The following NCALD variants were observed in gnomAD, a reference collection of about 807,000 sequenced individuals.
The protein encoded by NCALD is neurocalcin-delta.
NCALD carries 10 observed loss-of-function variants against 18.6 expected under a neutral mutation model. The ratio of observed to expected loss-of-function variants is 0.54; its 90% CI spans 0.33 to 0.91. NCALD has a LOEUF of 0.91. Ranked by LOEUF, NCALD falls within the 40% of genes least tolerant of loss-of-function variation. The pLI is 0.03. For missense variants in NCALD, 184 were observed against 247.6 expected (o/e 0.74, Z 1.72); for synonymous variants, 88 against 87.4 (o/e 1.01, Z -0.04).
At chr8:101,728,340 G>C (rs534048540) in intron 1 of NCALD, among the ~76,000 whole-genome samples, 1 of 152,292 alleles carries the variant, frequency 6.6e-6, no homozygotes, top group South Asian at 2.1e-4. Context: ...CCCAGAGTTA[G>C]ATTTTCCAGG....
chr8:101,907,757 A>G (rs1210493727), intron 3 of NCALD, among the ~76,000 whole-genome samples: 2 of 152,222 alleles, frequency 1.3e-5, no homozygotes, highest in Non-Finnish European at 2.9e-5. Flanking sequence ...ATGCTTCTCC[A>G]GGCAACTTCC....
At chr8:101,831,673 C>T (rs1814193606) in intron 4 of NCALD, among the ~76,000 whole-genome samples, 2 of 152,132 alleles carry the variant, frequency 1.3e-5, no homozygotes, top group Non-Finnish European at 2.9e-5. Context: ...CTGAGAATCA[C>T]CTGCTCAGGG....
At chr8:102,027,447 C>T (rs549960381) in intron 1 of NCALD, among the ~76,000 whole-genome samples, 69 of 152,300 alleles carry the variant, frequency 4.5e-4, no homozygotes, top group African/African-American at 1.6e-3. Context: ...AGTTCCCAAC[C>T]AGTTCCCCAT....
chr8:102,060,031 A>T (rs538443833), intron 1 of NCALD, among the ~76,000 whole-genome samples: 93 of 152,250 alleles, frequency 6.1e-4, no homozygotes, highest in African/African-American at 1.9e-3. Flanking sequence ...CCCAGGCTGG[A>T]GTGCAGTGGT....
chr8:101,715,057 T>C (rs1030624388), intron 2 of NCALD, among the ~76,000 whole-genome samples: 6 of 149,904 alleles, frequency 4.0e-5, no homozygotes, highest in African/African-American at 1.5e-4. Context: ...CTTCAAACTA[T>C]ACTACAAGGC....
intron 1 of NCALD, among the ~76,000 whole-genome samples, chr8:102,111,019 ACT>A (rs749085914): frequency 2.2e-4 from 34 of 152,134 alleles, no homozygotes; most frequent in Non-Finnish European, 3.5e-4. Flanking sequence ...TAAGAAAAAA[ACT>A]CTATATTAAG....
intron 3 of NCALD, among the ~76,000 whole-genome samples, chr8:101,895,202 G>C (rs1817109988): frequency 6.7e-6 from 1 of 150,076 alleles, no homozygotes; most frequent in African/African-American, 2.5e-5. Flanking sequence ...TGCAAGGCTG[G>C]TTCGATATAC....
chr8:101,975,352 T>G (rs754921194), intron 2 of NCALD: 1 of 152,208 alleles, frequency 6.6e-6, no homozygotes, highest in African/African-American at 2.4e-5. Context: ...TGGAGAGCTG[T>G]TGAACTATGG....
chr8:101,750,208 C>A (rs1810594803), intron 1 of NCALD: 1 of 87,394 alleles, frequency 1.1e-5, no homozygotes, highest in African/African-American at 3.6e-5. Context: ...ATGATTAAAT[C>A]ACCTCCCACC....
chr8:101,952,691 AAG>A (rs147175653), intron 2 of NCALD, among the ~76,000 whole-genome samples: 312 of 152,362 alleles, frequency 2.0e-3, no homozygotes, highest in Non-Finnish European at 2.4e-3. Context: ...GCTAAGGAGA[AAG>A]ATAGAAACAC....
chr8:101,701,486 G>C (rs1004690303), intron 2 of NCALD, among the ~76,000 whole-genome samples: 1 of 152,176 alleles, frequency 6.6e-6, no homozygotes, highest in Admixed American at 6.5e-5. Context: ...CCCCAGCCAG[G>C]CTTGAGACAG....
At chr8:102,054,674 ATAGATAG>A (rs1823576378) in intron 1 of NCALD, among the ~76,000 whole-genome samples, 2 of 106,920 alleles carry the variant, frequency 1.9e-5, no homozygotes, top group African/African-American at 7.0e-5. Flanking sequence ...AGATAGATAG[ATAGATAG>A]ATAGATAGAT....
chr8:101,778,748 A>G (rs1438606036), intron 1 of NCALD, among the ~76,000 whole-genome samples: 2 of 152,142 alleles, frequency 1.3e-5, no homozygotes, highest in African/African-American at 4.8e-5. Flanking sequence ...GGGACCTAGT[A>G]TCGTTTCCAT....
At chr8:101,694,704 G>A (rs915382207) in intron 2 of NCALD, among the ~76,000 whole-genome samples, 5 of 152,130 alleles carry the variant, frequency 3.3e-5, no homozygotes, top group Non-Finnish European at 5.9e-5. Context: ...GGGAGCCATC[G>A]TCTGCCCTCC....
intron 1 of NCALD, among the ~76,000 whole-genome samples, chr8:101,759,234 C>A (rs1051355400): frequency 6.6e-6 from 1 of 152,150 alleles, no homozygotes; most frequent in Non-Finnish European, 1.5e-5. Context: ...AAGTGTCTTG[C>A]TGATTTATAT....
At chr8:101,966,233 G>A (rs1444095171) in intron 2 of NCALD, among the ~76,000 whole-genome samples, 6 of 151,538 alleles carry the variant, frequency 4.0e-5, no homozygotes, top group Admixed American at 3.9e-4. Context: ...AAATCAAGTT[G>A]GCAAAGCTTT....
Position 102,043,822 on chromosome 8 carries a change from C to T in NCALD, c.-209-23533G>A, listed in dbSNP as rs1784571365. On this transcript the variant is annotated intron_variant, in intron 1 of 6. Transcript: ENST00000311028. The stretch of plus-strand genomic sequence containing the variant: ...TATGTGTTGTATTAAGTCAGGCTGG[C>T]GTTAGGGGGCTTGGAAGGAGAAAAT... Among the ~76,000 whole-genome samples, 4 of 151,392 alleles carry T rather than the reference C, an allele frequency of 2.6e-5. 1 individual carries two copies. The highest frequency in any genetic ancestry group is 7.3e-5 in the African/African-American group (3 of 40,934).
At chr8:101,804,389 TAGAA>T (rs1460198206) in intron 4 of NCALD, among the ~76,000 whole-genome samples, 3 of 110,764 alleles carry the variant, frequency 2.7e-5, no homozygotes, top group Admixed American at 1.0e-4. Flanking sequence ...TTACTATATA[TAGAA>T]ATATATATAT....
chr8:101,720,264 A>AC (rs1347042285), intron 1 of NCALD, among the ~76,000 whole-genome samples: 1 of 152,232 alleles, frequency 6.6e-6, no homozygotes, highest in Non-Finnish European at 1.5e-5. Flanking sequence ...TAAATCACTG[A>AC]CAATGTTGGG....
Sources: gnomAD v4.1 joint callset for allele counts (sites outside exome capture counted in the v4.1 genomes callset) on GRCh38, gnomAD v4.1.1 for gene constraint, MANE v1.5 for transcripts, NCBI Gene and HGNC (gene_info 2026-07-23, HGNC 2026-07-21) for gene names.